Variants in DOP1B observed in about 807,000 individuals in gnomAD.
DOP1B encodes the protein protein DOP1B.
Under a neutral mutation model 233.5 loss-of-function variants are expected in DOP1B, and 174 were observed. The observed-to-expected ratio is 0.75, with a 90% CI of 0.66 to 0.85. The LOEUF (loss-of-function observed/expected upper bound fraction) is 0.85. Ranked by LOEUF, DOP1B falls within the 40% of genes least tolerant of loss-of-function variation. The pLI is 0.00. For missense variants in DOP1B, 2,652 were observed against 2,846.6 expected (o/e 0.93, Z 1.56); for synonymous variants, 1,190 against 1,185.6 (o/e 1.00, Z -0.08).
At chr21:36,227,408 G>A (rs569151697) in intron 12 of DOP1B, among the ~76,000 whole-genome samples, 35 of 151,306 alleles carry the variant, frequency 2.3e-4, no homozygotes, top group East Asian at 1.2e-3. Context: ...TTAGCCGGGC[G>A]TGGTGGTGGG....
At position 36,211,649 on chromosome 21, in the gene DOP1B, C is replaced by T; in HGVS notation, c.778C>T (p.Leu260=). 1 of 1,613,776 alleles carries T rather than the reference C, an allele frequency of 6.2e-7. No homozygotes were observed. ...VLFFFPFYTC[L]DSNERAIPLL... Reference sequence around the variant, plus strand: ...GTTTTTCTTCCCATTTTATACCTGTCTGGTAAGTAATTTGTACTCTTCTGG... The same window carrying T: ...GTTTTTCTTCCCATTTTATACCTGTTTGGTAAGTAATTTGTACTCTTCTGG... The change falls in exon 6 of 37, where the codon CTG becomes TTG. Residue 260 remains leucine, a splice_region_variant and synonymous_variant. Coordinates refer to ENST00000691173, the MANE Select transcript of DOP1B (RefSeq NM_001320714.2).
intron 26 of DOP1B, among the ~76,000 whole-genome samples, chr21:36,269,599 C>A (rs550375807): frequency 1.3e-5 from 2 of 152,306 alleles, no homozygotes; most frequent in East Asian, 3.9e-4. Flanking sequence ...CAGCTCACTG[C>A]AGCTTCCACT....
chr21:36,185,014 G>A (rs1038502005), intron 2 of DOP1B, among the ~76,000 whole-genome samples: 5 of 152,148 alleles, frequency 3.3e-5, no homozygotes, highest in African/African-American at 1.2e-4. Flanking sequence ...AACCTGTTGA[G>A]GATTTGTAGT....
In DOP1B at chr21:36,251,253, G is replaced by T. The variant is rs1175285455; in HGVS notation, c.5090G>T (p.Arg1697Ile). The T allele has an allele frequency of 2.5e-6, 4 of 1,613,636 alleles. No individual in the cohort carries two copies. The highest frequency in any genetic ancestry group is 3.4e-6 in the Non-Finnish European group (4 of 1,179,944). Residue 1697 changes from arginine (R) to isoleucine (I), a missense_variant, in exon 22 of 37, where the codon AGA (arginine) becomes ATA (isoleucine). By Grantham distance (97) the Arg-to-Ile change is moderately conservative (BLOSUM62 -3). Transcript: ENST00000691173. ...GCGGCTGTTGCGGCAGTGTGGAGCAGAAAGAAAGCCCAGCGTCACAGTAAG... is the reference window on the plus strand; with the variant it reads ...GCGGCTGTTGCGGCAGTGTGGAGCATAAAGAAAGCCCAGCGTCACAGTAAG... ...LTAAVAAVWS[R>I]KKAQRHSKMK...
intron 17 of DOP1B, 151 bp from the exon 18 acceptor site, chr21:36,239,614 A>G (rs1045697380): frequency 9.7e-6 from 8 of 820,724 alleles, no homozygotes; most frequent in Middle Eastern, 3.8e-4. Flanking sequence ...TTGAGTCCCC[A>G]TTGTGCTCAT....
At chr21:36,287,926 A>G in intron 32 of DOP1B, 88 bp from the exon 33 acceptor site, 1 of 1,487,862 alleles carries the variant, frequency 6.7e-7, no homozygotes, top group South Asian at 1.3e-5. Flanking sequence ...CTAGAATGTC[A>G]GAACAGTCAC....
chr21:36,238,739 G>A (rs557540103), intron 17 of DOP1B, 38 bp downstream of exon 17: 47 of 1,602,696 alleles, frequency 2.9e-5, no homozygotes, highest in South Asian at 1.5e-4. Flanking sequence ...GTTAACTCAC[G>A]AGGAAACTCC....
Position 36,245,920 on chromosome 21 carries a change from C to T in DOP1B, c.3940C>T (p.Leu1314=). 6.2e-7 allele frequency: 1 copy of T among 1,613,914 alleles called. No individual in the cohort carries two copies. Among genetic ancestry groups the T allele is most frequent in the Non-Finnish European group, 8.5e-7 (1 of 1,180,026 alleles). The change falls in exon 19 of 37, where the codon CTG becomes TTG. Residue 1314 remains leucine, a synonymous_variant. Coordinates refer to ENST00000691173, the MANE Select transcript of DOP1B (RefSeq NM_001320714.2). This position sits in a 1 kb window ranked among gnomAD's most constrained non-coding sequence, Gnocchi z 5.5. Reference sequence around the variant, plus strand: ...GTGCCCCCACTCTCTGCTCCTGGAGCTGCTCACCTACCTCTGCCTGAGCTT... The same window carrying T: ...GTGCCCCCACTCTCTGCTCCTGGAGTTGCTCACCTACCTCTGCCTGAGCTT... The part of the protein sequence containing the change: ...NVCPHSLLLE[L]LTYLCLSFLR...
intron 2 of DOP1B, among the ~76,000 whole-genome samples, chr21:36,177,832 G>A (rs754369770): frequency 2.0e-5 from 3 of 152,152 alleles, no homozygotes; most frequent in Non-Finnish European, 2.9e-5. Context: ...CTCTGTAACT[G>A]TAAAAAGTAA....
At chr21:36,198,892 G>A (rs553445856) in intron 2 of DOP1B, among the ~76,000 whole-genome samples, 178 bp from the exon 3 acceptor site, 22 of 152,280 alleles carry the variant, frequency 1.4e-4, no homozygotes, top group Non-Finnish European at 2.6e-4. Flanking sequence ...CATCTCCAGC[G>A]CTGCCAGAGC....
intron 9 of DOP1B, among the ~76,000 whole-genome samples, chr21:36,218,225 GT>G (rs1401277117): frequency 2.0e-5 from 3 of 152,170 alleles, no homozygotes; most frequent in Non-Finnish European, 4.4e-5. Context: ...TTCTTATGCT[GT>G]AGATAAAATA....
At chr21:36,266,991 C>G (rs2067237993) in intron 26 of DOP1B, among the ~76,000 whole-genome samples, 1 of 152,180 alleles carries the variant, frequency 6.6e-6, no homozygotes, top group Non-Finnish European at 1.5e-5. Flanking sequence ...CGCCACTTCC[C>G]TCGAGCGCAC....
Position 36,223,212 on chromosome 21 carries a change from A to G in DOP1B, c.1251-19A>G, listed in dbSNP as rs1030295728. The G allele has an allele frequency of 3.2e-6, 5 of 1,559,836 alleles. No individual in the cohort carries two copies. The Admixed American group carries it at 9.0e-5, about 28-fold the overall frequency. The stretch of plus-strand genomic sequence containing the variant: ...GATTTTTTTATAGACATATTTATTC[A>G]TGTCCTCCCCTTTTACAGTGCAATC... On this transcript the variant is annotated intron_variant, in intron 10 of 36. Coordinates refer to ENST00000691173, the MANE Select transcript of DOP1B (RefSeq NM_001320714.2).
intron 21 of DOP1B, among the ~76,000 whole-genome samples, chr21:36,249,342 T>C (rs1012611730): frequency 6.6e-6 from 1 of 152,068 alleles, no homozygotes; most frequent in African/African-American, 2.4e-5. Context: ...GCAAGAGGAT[T>C]GCTTGAGCCT....
At chr21:36,222,747 A>AT (rs2066640559) in intron 10 of DOP1B, among the ~76,000 whole-genome samples, 1 of 151,340 alleles carries the variant, frequency 6.6e-6, no homozygotes, top group Non-Finnish European at 1.5e-5. Context: ...TTTTATTTTT[A>AT]TTTTTTGAGA....
intron 26 of DOP1B, among the ~76,000 whole-genome samples, chr21:36,265,396 CAAAAACA>C (rs1451246858): frequency 1.4e-5 from 2 of 145,190 alleles, no homozygotes; most frequent in Non-Finnish European, 3.0e-5. Context: ...AACTTCGTCT[CAAAAACA>C]AAAAACAAAA....
intron 2 of DOP1B, among the ~76,000 whole-genome samples, chr21:36,194,072 G>T (rs1465228928): frequency 6.6e-6 from 1 of 152,162 alleles, no homozygotes; most frequent in East Asian, 1.9e-4. Context: ...ACTGGAATTG[G>T]TGGCTCTGGT....
chr21:36,159,451 CA>C (rs1264443809), intron 1 of DOP1B, among the ~76,000 whole-genome samples: 1 of 150,378 alleles, frequency 6.6e-6, no homozygotes, highest in Non-Finnish European at 1.5e-5. Context: ...AACTCCATCT[CA>C]AAAAAAAAGA....
At chr21:36,213,965 G>A (rs2066529820) in intron 7 of DOP1B, 116 bp from the exon 8 acceptor site, 1 of 795,220 alleles carries the variant, frequency 1.3e-6, no homozygotes, top group African/African-American at 1.7e-5. Flanking sequence ...ATCTGATTTT[G>A]GTTTTCCATC....
Sources: gnomAD v4.1 joint callset for allele counts (sites outside exome capture counted in the v4.1 genomes callset) on GRCh38, gnomAD v4.1.1 for gene constraint, Gnocchi (gnomAD v3.1) non-coding constraint, MANE v1.5 for transcripts, NCBI Gene and HGNC (gene_info 2026-07-23, HGNC 2026-07-21) for gene names.